The following JMJD1C variants were observed in gnomAD, a reference collection of about 807,000 sequenced individuals.
JMJD1C encodes jumonji domain containing 1C.
Under a neutral mutation model 245.3 loss-of-function variants are expected in JMJD1C, and 31 were observed. That is an observed-to-expected ratio of 0.13 (90% CI 0.09 to 0.17). The LOEUF is 0.17. JMJD1C is among the 10% of genes least tolerant of loss of function. JMJD1C has a pLI of 1.00. For missense variants in JMJD1C, 2,691 were observed against 3,000.2 expected (o/e 0.90, Z 2.41); for synonymous variants, 1,057 against 1,017.4 (o/e 1.04, Z -0.74).
At chr10:63,254,151 C>T (rs1299446386) in intron 3 of JMJD1C, among the ~76,000 whole-genome samples, 3 of 151,560 alleles carry the variant, frequency 2.0e-5, no homozygotes, top group African/African-American at 7.3e-5. Context: ...TAGCTTTGAG[C>T]AAATCTAGGT....
At chr10:63,375,535 C>CGTGTGTGTGTGT (rs1206144769) in intron 2 of JMJD1C, among the ~76,000 whole-genome samples, 2 of 147,374 alleles carry the variant, frequency 1.4e-5, no homozygotes, top group Non-Finnish European at 3.0e-5. Context: ...AATATTTACA[C>CGTGTGTGTGTGT]GTGTGTGTGT....
At chr10:63,271,575 G>C (rs1176717234) in intron 2 of JMJD1C, among the ~76,000 whole-genome samples, 1 of 151,926 alleles carries the variant, frequency 6.6e-6, no homozygotes, top group Non-Finnish European at 1.5e-5. Flanking sequence ...TTTTGAGATA[G>C]AGTTTCGCTC....
chr10:63,380,308 T>G lies in JMJD1C; in HGVS notation c.333+10A>C. The G allele has an allele frequency of 6.2e-7, 1 of 1,613,146 alleles. No homozygotes were observed. Among genetic ancestry groups the G allele is most frequent in the South Asian group, 1.1e-5 (1 of 91,062 alleles). On this transcript the variant is annotated intron_variant, in intron 2 of 25. Coordinates refer to ENST00000399262, the MANE Select transcript of JMJD1C (RefSeq NM_032776.3). ...ATGAAAATGCTTAATGAAACAGGAA[T>G]AGATCTTACCAATGCAGGCCACTGA...
chr10:63,276,768 C>T (rs1856814717), intron 2 of JMJD1C, among the ~76,000 whole-genome samples: 1 of 151,674 alleles, frequency 6.6e-6, no homozygotes, highest in South Asian at 2.1e-4. Context: ...ACCAGGAAAC[C>T]AATTTTAATT....
intron 2 of JMJD1C, among the ~76,000 whole-genome samples, chr10:63,341,631 G>C (rs1011087766): frequency 6.6e-6 from 1 of 152,226 alleles, no homozygotes; most frequent in African/African-American, 2.4e-5. Flanking sequence ...TCACTGCAGA[G>C]AAGCTGGACA....
At chr10:63,264,440 C>T (rs1388659913) in intron 3 of JMJD1C, among the ~76,000 whole-genome samples, 1 of 152,072 alleles carries the variant, frequency 6.6e-6, no homozygotes, top group Non-Finnish European at 1.5e-5. Context: ...AGAACACTGC[C>T]TGGCTCATAG....
At chr10:63,304,072 A>G (rs1564758843) in intron 2 of JMJD1C, among the ~76,000 whole-genome samples, 5 of 127,352 alleles carry the variant, frequency 3.9e-5, no homozygotes, top group Non-Finnish European at 9.0e-5. Flanking sequence ...CTGTCTGAGC[A>G]AGGACTTTGC....
chr10:63,459,090 T>C (rs1952612596), intron 1 of JMJD1C, among the ~76,000 whole-genome samples: 1 of 152,194 alleles, frequency 6.6e-6, no homozygotes, highest in African/African-American at 2.4e-5. Context: ...TAGTTAACTA[T>C]GGTAATATAG....
At chr10:63,493,820 A>C (rs1258214208) in intron 1 of JMJD1C, among the ~76,000 whole-genome samples, 1 of 152,218 alleles carries the variant, frequency 6.6e-6, no homozygotes, top group African/African-American at 2.4e-5. Flanking sequence ...TAAAGTTAGA[A>C]AGGAACTGGG....
At chr10:63,453,915 G>GT (rs1457228011) in intron 1 of JMJD1C, among the ~76,000 whole-genome samples, 1 of 152,016 alleles carries the variant, frequency 6.6e-6, no homozygotes, top group Non-Finnish European at 1.5e-5. Context: ...TAGAGACTGG[G>GT]TTTCACCATG....
chr10:63,465,753 G>T lies in JMJD1C; in HGVS notation c.-91C>A. 1 of 1,451,830 alleles carries T rather than the reference G, an allele frequency of 6.9e-7. No homozygotes were observed. The highest frequency in any genetic ancestry group is 9.5e-7 in the Non-Finnish European group (1 of 1,055,256). 89.9% of individuals were successfully genotyped at this position (1,451,830 alleles called of 1,614,324 possible). A position where few individuals can be genotyped will look rare whatever the true frequency, so the allele number is the denominator to read the frequency against. ...ACCGGCCGCTCATGCTGAGGAGAGC[G>T]GACCGGGACACAGCAGCGGACCCGA... On this transcript the variant is annotated 5_prime_UTR_variant, in exon 1 of 26. Coordinates refer to ENST00000399262, the MANE Select transcript of JMJD1C (RefSeq NM_032776.3).
rs773278691 is a variant in JMJD1C at position 63,183,549 on chromosome 10, G to C, written c.6982C>G (p.His2328Asp). ...TGGAGATTTGTTGTTCCTATATCAT[G>C]ATCTTTAGCAGCAACTACACCTGTA... Reference protein sequence around the residue: ...SAYGVVAAKDHDIGTTNLHIE... With the variant: ...SAYGVVAAKDDDIGTTNLHIE... The change falls in exon 22 of 26, where the codon CAT becomes GAT. Residue 2328 changes from histidine to aspartate, a missense_variant. Transcript: ENST00000399262. 13 of 1,594,092 alleles carry C rather than the reference G, an allele frequency of 8.2e-6. No homozygotes were observed. The African/African-American group carries it at 1.8e-4, about 22-fold the overall frequency.
At chr10:63,234,703 C>A (rs757246497) in intron 3 of JMJD1C, among the ~76,000 whole-genome samples, 15 of 145,732 alleles carry the variant, frequency 1.0e-4, no homozygotes, top group Non-Finnish European at 1.5e-4. Context: ...GAGGCCAAGG[C>A]GGGAGGATCA....
chr10:63,379,447 TTAAA>T (rs1419139282), intron 2 of JMJD1C, among the ~76,000 whole-genome samples: 1 of 152,174 alleles, frequency 6.6e-6, no homozygotes, highest in South Asian at 2.1e-4. Context: ...GTTTCTTTTC[TTAAA>T]TAAAACTCTT....
At position 63,213,517 on chromosome 10, in the gene JMJD1C, C is replaced by T. The variant is rs769022085; in HGVS notation, c.2650G>A (p.Val884Ile). The change falls in exon 8 of 26, where the codon GTT becomes ATT. Residue 884 changes from valine (V) to isoleucine (I), a missense_variant. By Grantham distance (29) the Val-to-Ile change is conservative. This residue lies in a region of JMJD1C where 1,562 missense variants were observed against 1,490.7 expected (regional missense o/e 1.05). Coordinates refer to ENST00000399262, the MANE Select transcript of JMJD1C (RefSeq NM_032776.3). ...GCATTAACTGCATTTTCTGGGTGAA[C>T]CCACTTAGAAGAAGGCAAACCAAGT... ...SGLGLPSSKW[V>I]HPENAVNAEA... The T allele has an allele frequency of 3.1e-6, 5 of 1,606,080 alleles. No individual in the cohort carries two copies. Among genetic ancestry groups the T allele is most frequent in the Non-Finnish European group, 4.3e-6 (5 of 1,173,312 alleles).
chr10:63,223,114 CAGTA>C (rs1308946410), intron 3 of JMJD1C: 17 of 369,080 alleles, frequency 4.6e-5, no homozygotes, highest in Non-Finnish European at 7.9e-5. Context: ...CCGATAGTTT[CAGTA>C]AAGAAATTAT....
At chr10:63,259,727 A>G (rs184233584) in intron 3 of JMJD1C, among the ~76,000 whole-genome samples, 34 of 152,332 alleles carry the variant, frequency 2.2e-4, no homozygotes, top group Admixed American at 5.2e-4. Context: ...TCTTTAGTCC[A>G]GGTACTAAGA....
chr10:63,257,741 G>C (rs1384444523), intron 3 of JMJD1C, among the ~76,000 whole-genome samples: 1 of 152,182 alleles, frequency 6.6e-6, no homozygotes, highest in Non-Finnish European at 1.5e-5. Context: ...CCACAGTACA[G>C]TTTTGTTGTC....
At chr10:63,366,816 T>C (rs1163233954) in intron 2 of JMJD1C, among the ~76,000 whole-genome samples, 4 of 152,204 alleles carry the variant, frequency 2.6e-5, no homozygotes, top group Non-Finnish European at 4.4e-5. Context: ...GGTCACTGGA[T>C]ACATAAGAAA....
Sources: allele counts gnomAD v4.1 joint callset (sites outside exome capture counted in the v4.1 genomes callset), GRCh38; gene constraint gnomAD v4.1.1; regional missense constraint gnomAD v4.1.1; transcripts MANE v1.5; gene names NCBI Gene and HGNC (gene_info 2026-07-23, HGNC 2026-07-21).